ROBO1: variants seen among roughly 807,000 people sequenced by gnomAD.
The protein encoded by ROBO1 is roundabout guidance receptor 1.
ROBO1 carries 149 observed loss-of-function variants against 195.9 expected under a neutral mutation model. The observed-to-expected ratio is 0.76, with a 90% confidence interval of 0.67 to 0.87. The LOEUF (loss-of-function observed/expected upper bound fraction) is 0.87, where lower values mean the gene tolerates loss of function less well. ROBO1 is among the 40% of genes least tolerant of loss of function. The pLI, the probability that ROBO1 is intolerant of heterozygous loss-of-function variation, is 0.00. For synonymous variants in ROBO1, 816 were observed against 733.2 expected (o/e 1.11, Z -1.82); for missense variants, 1,933 against 2,068.3 (o/e 0.93, Z 1.27).
At chr3:79,394,041 G>A (rs1366484848) in intron 2 of ROBO1, among the ~76,000 whole-genome samples, 1 of 151,976 alleles carries the variant, frequency 6.6e-6, no homozygotes, top group Admixed American at 6.6e-5. Flanking sequence ...CTTTCCCTTA[G>A]TATCACAAAA....
At chr3:79,536,022 C>G (rs1176052990) in intron 2 of ROBO1, among the ~76,000 whole-genome samples, 1 of 152,042 alleles carries the variant, frequency 6.6e-6, no homozygotes, top group African/African-American at 2.4e-5. Context: ...AACAATACAT[C>G]TTGGAGATCT....
chr3:78,862,300 A>G (rs893988230), intron 4 of ROBO1, among the ~76,000 whole-genome samples: 4 of 152,142 alleles, frequency 2.6e-5, no homozygotes, highest in Non-Finnish European at 5.9e-5. Context: ...TCTGAATGAC[A>G]GGAGAGAGAA....
intron 4 of ROBO1, among the ~76,000 whole-genome samples, chr3:78,840,407 A>T: frequency 6.6e-6 from 1 of 152,312 alleles, no homozygotes; most frequent in Non-Finnish European, 1.5e-5. Context: ...TTTTTAAAAT[A>T]ATTAAAATTT....
At chr3:79,577,713 T>TAA (rs1260762185) in intron 2 of ROBO1, among the ~76,000 whole-genome samples, 8 of 130,670 alleles carry the variant, frequency 6.1e-5, no homozygotes, top group Non-Finnish European at 1.3e-4. Flanking sequence ...CTGTCTTTAC[T>TAA]AAAAACACAC....
chr3:79,432,673 G>C (rs2107045765), intron 2 of ROBO1, among the ~76,000 whole-genome samples: 1 of 152,238 alleles, frequency 6.6e-6, no homozygotes. Context: ...AAGAGAACTT[G>C]TATTAATGTC....
At chr3:78,657,448 T>G (rs1402672863) in intron 17 of ROBO1, among the ~76,000 whole-genome samples, 179 bp from the exon 18 acceptor site, 2 of 152,182 alleles carry the variant, frequency 1.3e-5, no homozygotes, top group Non-Finnish European at 2.9e-5. Context: ...TCTGGTCAAG[T>G]TTAACGTTAA....
intron 3 of ROBO1, among the ~76,000 whole-genome samples, chr3:79,059,891 C>T (rs35744610): frequency 0.24 from 35,687 of 151,816 alleles, 4,344 homozygotes; most frequent in South Asian, 0.27. Flanking sequence ...AGGATAACAG[C>T]GATTTTCAGG....
At chr3:78,724,552 C>T (rs974956154) in intron 5 of ROBO1, among the ~76,000 whole-genome samples, 21 of 145,864 alleles carry the variant, frequency 1.4e-4, no homozygotes, top group Non-Finnish European at 2.7e-4. Flanking sequence ...TGTGCTGGCA[C>T]ATGCGTGTAG....
At chr3:79,440,271 C>T (rs921018507) in intron 2 of ROBO1, among the ~76,000 whole-genome samples, 5 of 152,020 alleles carry the variant, frequency 3.3e-5, no homozygotes, top group African/African-American at 1.2e-4. Flanking sequence ...TTCTGATCAT[C>T]TCGACTAAGT....
At chr3:79,025,595 A>C (rs1372563173) in intron 3 of ROBO1, among the ~76,000 whole-genome samples, 2 of 151,912 alleles carry the variant, frequency 1.3e-5, no homozygotes, top group Non-Finnish European at 2.9e-5. Flanking sequence ...ATAGTTCTAA[A>C]GTTTATTTTC....
At chr3:79,108,583 T>C (rs2079827729) in intron 3 of ROBO1, among the ~76,000 whole-genome samples, 1 of 151,778 alleles carries the variant, frequency 6.6e-6, no homozygotes, top group East Asian at 1.9e-4. Context: ...CTACTGTTAG[T>C]AGAAATTTAA....
At chr3:78,856,077 G>A (rs969881973) in intron 4 of ROBO1, among the ~76,000 whole-genome samples, 1 of 150,450 alleles carries the variant, frequency 6.6e-6, no homozygotes, top group Non-Finnish European at 1.5e-5. Context: ...AAGCTTCAGA[G>A]TAACAAATTA....
chr3:79,473,799 T>C (rs1400700305), intron 2 of ROBO1, among the ~76,000 whole-genome samples: 3 of 152,062 alleles, frequency 2.0e-5, no homozygotes, highest in Non-Finnish European at 4.4e-5. Context: ...TGATTTAGAA[T>C]AAAAATCCTA....
chr3:78,614,926 G>T, intron 27 of ROBO1, 126 bp from the exon 28 acceptor site: 1 of 1,005,422 alleles, frequency 9.9e-7, no homozygotes, highest in Non-Finnish European at 1.4e-6. Flanking sequence ...AACAAAAAAA[G>T]CTTAAACAAA....
rs1018207610 is a variant in ROBO1, at chr3:78,627,625, T to C, written c.3627-56A>G. On this transcript the variant is annotated intron_variant, in intron 25 of 30. Coordinates refer to ENST00000464233, the MANE Select transcript of ROBO1 (RefSeq NM_002941.4). ...ACTTCAGGTTATTCAAATAAACTAT[T>C]TGGATAGTAATGAAATGTCACCTTT... 11 of 1,511,678 alleles carry C rather than the reference T, an allele frequency of 7.3e-6. No individual in the cohort carries two copies. The African/African-American group carries it at 1.1e-4, about 15-fold the overall frequency. 93.6% of individuals were successfully genotyped at this position (1,511,678 alleles called of 1,614,324 possible). A position where few individuals can be genotyped will look rare whatever the true frequency, so the allele number is the denominator to read the frequency against.
rs537251886 is a variant in ROBO1 at position 78,802,853 on chromosome 3, T to C, written c.500-55953A>G. On this transcript the variant is annotated intron_variant, in intron 4 of 30. Transcript: ENST00000464233. The stretch of plus-strand genomic sequence containing the variant: ...AATGTCTCTATAAGTAGAGAGATCA[T>C]ATATATGTTCTTACTTTGTAAATAT... 8.5e-5 allele frequency among the ~76,000 whole-genome samples: 13 copies of C among 152,218 alleles called. No individual in the cohort carries two copies. In the East Asian group the frequency reaches 2.5e-3, roughly 29 times the overall value.
chr3:79,516,350 T>C (rs374959170), intron 2 of ROBO1, among the ~76,000 whole-genome samples: 5 of 152,248 alleles, frequency 3.3e-5, no homozygotes, highest in Admixed American at 6.5e-5. Flanking sequence ...AATTTACCTA[T>C]ATTTATATTT....
intron 2 of ROBO1, among the ~76,000 whole-genome samples, chr3:79,514,550 A>T (rs754380482): frequency 2.0e-5 from 3 of 151,892 alleles, no homozygotes; most frequent in South Asian, 2.1e-4. Context: ...AATAATCTGT[A>T]CTGGTCCTTG....
At chr3:79,512,851 C>T in intron 2 of ROBO1, 1 of 152,112 alleles carries the variant, frequency 6.6e-6, no homozygotes, top group East Asian at 1.9e-4. Flanking sequence ...ATATGAATTG[C>T]TTTTCTTCCA....
Sources: gnomAD v4.1 joint callset for allele counts (sites outside exome capture counted in the v4.1 genomes callset) on GRCh38, gnomAD v4.1.1 for gene constraint, MANE v1.5 for transcripts, NCBI Gene and HGNC (gene_info 2026-07-23, HGNC 2026-07-21) for gene names.